The following CDC42EP4 variants were observed in gnomAD, a reference collection of about 807,000 sequenced individuals.
CDC42EP4 encodes CDC42 effector protein 4.
In CDC42EP4, 6 loss-of-function variants were observed where a neutral mutation model predicts 5.6. The observed-to-expected ratio is 1.07, with a 90% CI of 0.59 to 2.12. The LOEUF (loss-of-function observed/expected upper bound fraction) is 2.12. CDC42EP4 is among the 30% of genes most tolerant of loss of function. The pLI is 0.00. For synonymous variants in CDC42EP4, 230 were observed against 224.2 expected (o/e 1.03, Z -0.23); for missense variants, 490 against 508.6 (o/e 0.96, Z 0.35).
At chr17:73,289,111 A>C (rs7359700) in intron 1 of CDC42EP4, among the ~76,000 whole-genome samples, 33,881 of 152,180 alleles carry the variant, frequency 0.22, 4,242 homozygotes, top group East Asian at 0.39. Context: ...AAAGGTCAGC[A>C]AACACTTTTT....
chr17:73,299,444 TACACACACACACACAC>T lies in CDC42EP4; in HGVS notation c.-113+12433_-113+12448del, dbSNP rs71154990. ...GACTCCGTCCTAAAAAAAAAAAAAA[TACACACACACACACAC>T]ACACACACACACACACACATTTTTA... On this transcript the variant is annotated intron_variant, in intron 1 of 1. Transcript: ENST00000335793. 1.6e-4 allele frequency among the ~76,000 whole-genome samples: 21 copies of T among 127,970 alleles called. No homozygotes were observed. The East Asian group carries it at 1.8e-3, about 11-fold the overall frequency. 84.0% of individuals were successfully genotyped at this position (127,970 alleles called of 152,430 possible).
chr17:73,293,260 G>GAGGA (rs1253702642), intron 1 of CDC42EP4, among the ~76,000 whole-genome samples: 2 of 152,206 alleles, frequency 1.3e-5, no homozygotes, highest in African/African-American at 4.8e-5. Flanking sequence ...CCTGGCATTG[G>GAGGA]AGGAATGAAG....
chr17:73,292,676 G>C (rs536365127), intron 1 of CDC42EP4, among the ~76,000 whole-genome samples: 2 of 152,342 alleles, frequency 1.3e-5, no homozygotes, highest in East Asian at 3.9e-4. Flanking sequence ...TGATGAGAAG[G>C]AACCAGCCGG....
chr17:73,307,631 G>A lies in CDC42EP4; in HGVS notation c.-113+4262C>T, dbSNP rs1330855267. On this transcript the variant is annotated intron_variant, in intron 1 of 1. Transcript: ENST00000335793. ...CCTAGCTAATTTTTTGTACTTTTTA[G>A]TAGAGACAGGGTTTCACTGTGTTAG... Among the ~76,000 whole-genome samples, 3 of 151,762 alleles carry A rather than the reference G, an allele frequency of 2.0e-5. No homozygotes were observed. In the East Asian group the frequency reaches 5.8e-4, roughly 29 times the overall value.
In CDC42EP4 at chr17:73,285,355, G is replaced by A; in HGVS notation, c.*75C>T. ...GGTCCTGGCTGCCCCTGCGCCGTAG[G>A]GTCAAAGGTCATAGTGGGGTGGGGG... On this transcript the variant is annotated 3_prime_UTR_variant, in exon 2 of 2. Transcript: ENST00000335793. This position sits in a 1 kb window ranked among gnomAD's most constrained non-coding sequence, Gnocchi z 6.8. The A allele has an allele frequency of 8.1e-7, 1 of 1,239,030 alleles. No individual in the cohort carries two copies. 76.8% of individuals were successfully genotyped at this position (1,239,030 alleles called of 1,614,324 possible).
chr17:73,288,938 G>C (rs888960743), intron 1 of CDC42EP4, among the ~76,000 whole-genome samples: 2 of 152,174 alleles, frequency 1.3e-5, no homozygotes, highest in Admixed American at 6.5e-5. Flanking sequence ...AGGACGTGAG[G>C]GATGCCTTGA....
In CDC42EP4 at chr17:73,285,789, C is replaced by G. The variant is rs1402993307; in HGVS notation, c.712G>C (p.Gly238Arg). 1.9e-6 allele frequency: 3 copies of G among 1,601,796 alleles called. No individual in the cohort carries two copies. Among genetic ancestry groups the G allele is most frequent in the Non-Finnish European group, 2.6e-6 (3 of 1,169,866 alleles). The change falls in exon 2 of 2, where the codon GGT becomes CGT. Residue 238 changes from glycine to arginine, a missense_variant. Transcript: ENST00000335793. This position sits in a 1 kb window ranked among gnomAD's most constrained non-coding sequence, Gnocchi z 6.8. ...EEWDPEEGEGGYHGDEGAAGT... is the reference protein window; with the variant it reads ...EEWDPEEGEGRYHGDEGAAGT... ...GCGGCGCCCTCATCGCCATGGTAACCACCCTCCCCCTCCTCGGGGTCCCAC... is the reference window on the plus strand; with the variant it reads ...GCGGCGCCCTCATCGCCATGGTAACGACCCTCCCCCTCCTCGGGGTCCCAC...
chr17:73,296,102 C>T (rs1287947582), intron 1 of CDC42EP4, among the ~76,000 whole-genome samples: 2 of 150,872 alleles, frequency 1.3e-5, no homozygotes, highest in African/African-American at 4.9e-5. Context: ...AGACTGGAGA[C>T]AGGCTAGTCG....
At chr17:73,290,221 C>A (rs1568341100) in intron 1 of CDC42EP4, among the ~76,000 whole-genome samples, 1 of 152,182 alleles carries the variant, frequency 6.6e-6, no homozygotes, top group Non-Finnish European at 1.5e-5. Context: ...GGTTTTTAGC[C>A]CAAAGCAACA....
At chr17:73,309,848 A>G (rs993004998) in intron 1 of CDC42EP4, 1 of 152,370 alleles carries the variant, frequency 6.6e-6, no homozygotes, top group African/African-American at 2.4e-5. Flanking sequence ...GATCTCCCCA[A>G]ATTCACTGAA....
At position 73,299,298 on chromosome 17, in the gene CDC42EP4, T is replaced by C. The variant is rs570032986; in HGVS notation, c.-113+12595A>G. Among the ~76,000 whole-genome samples, 408 of 151,440 alleles carry C rather than the reference T, an allele frequency of 2.7e-3. 1 individual carries two copies. The highest frequency in any genetic ancestry group is 8.4e-3 in the African/African-American group (348 of 41,262). ...AAAAAAAATTAGCCAGGCGTGGTGG[T>C]GGGCGCCTGTAGTCCCAGCTACTCG... On this transcript the variant is annotated intron_variant, in intron 1 of 1. Coordinates refer to ENST00000335793, the MANE Select transcript of CDC42EP4 (RefSeq NM_012121.5).
chr17:73,297,088 G>A (rs2062191557), intron 1 of CDC42EP4, among the ~76,000 whole-genome samples: 1 of 150,858 alleles, frequency 6.6e-6, no homozygotes, highest in Admixed American at 6.6e-5. Context: ...GAGGTCAGGA[G>A]TTCAAGACCA....
chr17:73,308,842 C>T (rs2145331199), intron 1 of CDC42EP4, among the ~76,000 whole-genome samples: 1 of 151,416 alleles, frequency 6.6e-6, no homozygotes, highest in South Asian at 2.1e-4. Context: ...CGCGACCGGC[C>T]TGGGCAACAC....
chr17:73,309,134 G>A (rs2062260493), intron 1 of CDC42EP4, among the ~76,000 whole-genome samples: 1 of 150,470 alleles, frequency 6.6e-6, no homozygotes, highest in African/African-American at 2.5e-5. Context: ...GATCCCTTGA[G>A]CTCAGGAGTT....
At chr17:73,294,744 CA>C (rs1192353198) in intron 1 of CDC42EP4, among the ~76,000 whole-genome samples, 2 of 152,292 alleles carry the variant, frequency 1.3e-5, no homozygotes, top group East Asian at 3.9e-4. Flanking sequence ...TACACACACA[CA>C]CCACACACAC....
Position 73,284,281 on chromosome 17 carries a change from T to C in CDC42EP4, c.*1149A>G, listed in dbSNP as rs1163684921. 6.6e-6 allele frequency: 1 copy of C among 151,288 alleles called. No homozygotes were observed. The highest frequency in any genetic ancestry group is 1.5e-5 in the Non-Finnish European group (1 of 67,894). 9.4% of individuals were successfully genotyped at this position (151,288 alleles called of 1,614,324 possible). ...AAAGGGAAGTAGTCAGTACTGAGGG[T>C]ATTGAGGGGAGGGAGGGAATAACTC... On this transcript the variant is annotated 3_prime_UTR_variant, in exon 2 of 2. Transcript: ENST00000335793.
intron 1 of CDC42EP4, among the ~76,000 whole-genome samples, chr17:73,292,687 G>C (rs2062167154): frequency 6.6e-6 from 1 of 152,232 alleles, no homozygotes; most frequent in Admixed American, 6.5e-5. Context: ...AACCAGCCGG[G>C]TCAGAAGCGA....
In CDC42EP4 at chr17:73,285,743, G is replaced by A. The variant is rs897016669; in HGVS notation, c.758C>T (p.Pro253Leu). Reference protein sequence around the residue: ...EGAAGTITQAPPYAVAAPPLA... With the variant: ...EGAAGTITQALPYAVAAPPLA... ...GGGAGGGGCCGCCACGGCGTACGGG[G>A]GAGCCTGGGTGATGGTGCCAGCGGC... The change falls in exon 2 of 2, where the codon CCC becomes CTC. Residue 253 changes from proline to leucine, a missense_variant. Physicochemically the swap from Pro to Leu is moderately conservative, Grantham distance 98 (BLOSUM62 -3). Coordinates refer to ENST00000335793, the MANE Select transcript of CDC42EP4 (RefSeq NM_012121.5). The surrounding 1 kb of genome is among the most constrained non-coding windows in gnomAD (Gnocchi z 6.8). The A allele has an allele frequency of 6.3e-7, 1 of 1,589,064 alleles. No homozygotes were observed. Among genetic ancestry groups the A allele is most frequent in the Non-Finnish European group, 8.6e-7 (1 of 1,162,302 alleles).
intron 1 of CDC42EP4, among the ~76,000 whole-genome samples, chr17:73,299,104 G>A (rs2062203524): frequency 6.6e-6 from 1 of 151,930 alleles, no homozygotes; most frequent in Non-Finnish European, 1.5e-5. Flanking sequence ...GCCACAGGTG[G>A]GCACCACCAT....
Sources: allele counts gnomAD v4.1 joint callset (sites outside exome capture counted in the v4.1 genomes callset), GRCh38; gene constraint gnomAD v4.1.1; non-coding constraint Gnocchi (gnomAD v3.1); transcripts MANE v1.5; gene names NCBI Gene and HGNC (gene_info 2026-07-23, HGNC 2026-07-21).